Variants in GOLGA6B observed in about 807,000 individuals in gnomAD.
GOLGA6B encodes golgin subfamily A member 6B.
In GOLGA6B, 11 loss-of-function variants were observed where a neutral mutation model predicts 63.0. That is an observed-to-expected ratio of 0.17 (90% CI 0.11 to 0.29). The LOEUF (loss-of-function observed/expected upper bound fraction) is 0.29, where lower values mean the gene tolerates loss of function less well. Ranked by LOEUF, GOLGA6B falls within the 10% of genes least tolerant of loss-of-function variation. GOLGA6B has a pLI of 1.00. For synonymous variants in GOLGA6B, 46 were observed against 232.6 expected, an observed-to-expected ratio of 0.20 and a Z score of 7.30; for missense variants, 134 against 563.8, an observed-to-expected ratio of 0.24 and a Z score of 7.72.
At position 72,664,511 on chromosome 15, in the gene GOLGA6B, G is replaced by C; in HGVS notation, c.1501G>C (p.Gly501Arg). The change falls in exon 13 of 18, where the codon GGA becomes CGA. Residue 501 changes from glycine to arginine, a missense_variant and splice_region_variant. Gly to Arg is a moderately radical substitution (Grantham distance 125, BLOSUM62 -2). Coordinates refer to ENST00000421285, the MANE Select transcript of GOLGA6B (RefSeq NM_018652.5). ...QLSLVALPGE[G>R]DGGQHLDSEE... ...AAGCCTCGTGGCTCTCCCGGGAGAA[G>C]GTACAGGAGACCACTCAGAGGAAGA... The C allele has an allele frequency of 1.5e-6, 2 of 1,353,180 alleles. No homozygotes were observed. Among genetic ancestry groups the C allele is most frequent in the Non-Finnish European group, 1.0e-6 (1 of 992,610 alleles). The allele number at this position is 1,353,180 out of a possible 1,614,324, so 83.8% of individuals were successfully genotyped here.
At chr15:72,657,521 C>T (rs2064581999) in intron 2 of GOLGA6B, among the ~76,000 whole-genome samples, 2 of 103,394 alleles carry the variant, frequency 1.9e-5, no homozygotes, top group African/African-American at 7.8e-5. Flanking sequence ...ACATCTTCCT[C>T]CTACCCTGAC....
Position 72,667,379 on chromosome 15 carries a change from A to G in GOLGA6B, c.*1037A>G, listed in dbSNP as rs2140472119. ...ATGAGTATATGTCCCAGTACACAAAAGGGCACTGGTTGGCATTCTTCTTAA... is the reference window on the plus strand; with the variant it reads ...ATGAGTATATGTCCCAGTACACAAAGGGGCACTGGTTGGCATTCTTCTTAA... On this transcript the variant is annotated 3_prime_UTR_variant, in exon 18 of 18. Coordinates refer to ENST00000421285, the MANE Select transcript of GOLGA6B (RefSeq NM_018652.5). Among the ~76,000 whole-genome samples the G allele has an allele frequency of 6.8e-6, 1 of 147,824 alleles. No individual in the cohort carries two copies. The highest frequency in any genetic ancestry group is 2.2e-4 in the South Asian group (1 of 4,452).
chr15:72,664,376 C>T (rs4777525), intron 12 of GOLGA6B, 60 bp from the exon 13 acceptor site: 280,900 of 1,292,374 alleles, frequency 0.22, 83,389 homozygotes, highest in Admixed American at 0.47. Flanking sequence ...GAGGACGGGG[C>T]CCCGAGGGGG....
In GOLGA6B at chr15:72,664,426, G is replaced by A. The variant is rs548284627; in HGVS notation, c.1426-10G>A. On this transcript the variant is annotated splice_polypyrimidine_tract_variant and intron_variant, in intron 12 of 17. Transcript: ENST00000421285. The stretch of plus-strand genomic sequence containing the variant: ...TCCGTGCCTTCTCACTCTGTTTCCC[G>A]TCCCCTTAGGAGCACCTAGAAGCTG... 6.9e-5 allele frequency: 91 copies of A among 1,320,694 alleles called. 13 individuals are homozygous for A. In the East Asian group the frequency reaches 9.8e-4, roughly 14 times the overall value. The allele number at this position is 1,320,694 out of a possible 1,614,324, so 81.8% of individuals were successfully genotyped here. A position where few individuals can be genotyped will look rare whatever the true frequency, so the allele number is the denominator to read the frequency against.
chr15:72,657,951 CTTT>C (rs1265834956), intron 2 of GOLGA6B, among the ~76,000 whole-genome samples: 2 of 36,042 alleles, frequency 5.5e-5, no homozygotes, highest in African/African-American at 3.0e-4. Flanking sequence ...GATTTGGGCT[CTTT>C]TTTTTTTTTT....
chr15:72,669,242 C>T lies in GOLGA6B; in HGVS notation c.*2900C>T, dbSNP rs561779681. ...ATTTAGAAAATGTGAAAATGTAAAT[C>T]AGCCCTATCCATAATATAGTTTCTC... On this transcript the variant is annotated 3_prime_UTR_variant, in exon 18 of 18. Coordinates refer to ENST00000421285, the MANE Select transcript of GOLGA6B (RefSeq NM_018652.5). Among the ~76,000 whole-genome samples the T allele has an allele frequency of 1.1e-4, 16 of 152,366 alleles. No homozygotes were observed. Among genetic ancestry groups the T allele is most frequent in the Admixed American group, 3.9e-4 (6 of 15,306 alleles).
Position 72,669,462 on chromosome 15 carries a change from A to G in GOLGA6B, c.*3120A>G, listed in dbSNP as rs1455835240. ...AAGGCTTTATTTGCCAAGTTTTCTT[A>G]GAATGACTTTTACCAGTTTATGAAT... On this transcript the variant is annotated 3_prime_UTR_variant, in exon 18 of 18. Coordinates refer to ENST00000421285, the MANE Select transcript of GOLGA6B (RefSeq NM_018652.5). 1.3e-5 allele frequency among the ~76,000 whole-genome samples: 2 copies of G among 150,876 alleles called. No individual in the cohort carries two copies. The highest frequency in any genetic ancestry group is 6.6e-5 in the Admixed American group (1 of 15,140).
intron 12 of GOLGA6B, 62 bp from the exon 13 acceptor site, chr15:72,664,374 G>T (rs2064620305): frequency 1.5e-6 from 2 of 1,301,674 alleles, no homozygotes; most frequent in Admixed American, 3.9e-5. Context: ...CTGAGGACGG[G>T]GCCCCGAGGG....
Position 72,666,256 on chromosome 15 carries a change from C to T in GOLGA6B, c.1996C>T (p.Pro666Ser), listed in dbSNP as rs375032772. The T allele has an allele frequency of 2.5e-6, 4 of 1,603,512 alleles. No homozygotes were observed. The highest frequency in any genetic ancestry group is 3.4e-6 in the Non-Finnish European group (4 of 1,177,378). Residue 666 changes from proline to serine, a missense_variant, in exon 18 of 18, where the codon CCA (proline) becomes TCA (serine). Transcript: ENST00000421285. ...VSLDNNVEPA[P>S]GAAREGSPHD... ...CCTGGACAACAACGTGGAGCCTGCA[C>T]CAGGAGCGGCCAGGGAGGGTTCTCC...
chr15:72,664,054 C>T lies in GOLGA6B; in HGVS notation c.1426-382C>T, dbSNP rs1254935472. On this transcript the variant is annotated intron_variant, in intron 12 of 17. Transcript: ENST00000421285. The stretch of plus-strand genomic sequence containing the variant: ...AGGTGACAGAGCCCCACGGTGCCCT[C>T]GCTACCCTATTAATGGGCCCAGAAT... Among the ~76,000 whole-genome samples the T allele has an allele frequency of 7.7e-5, 10 of 129,714 alleles. 1 individual carries two copies. The highest frequency in any genetic ancestry group is 4.7e-4 in the East Asian group (2 of 4,216). 85.1% of individuals were successfully genotyped at this position (129,714 alleles called of 152,430 possible).
In GOLGA6B at chr15:72,664,095, C is replaced by A. The variant is rs1398672860; in HGVS notation, c.1426-341C>A. Among the ~76,000 whole-genome samples, 3 of 130,078 alleles carry A rather than the reference C, an allele frequency of 2.3e-5. 1 individual carries two copies. Among genetic ancestry groups the A allele is most frequent in the Admixed American group, 7.6e-5 (1 of 13,134 alleles). 85.3% of individuals were successfully genotyped at this position (130,078 alleles called of 152,430 possible). On this transcript the variant is annotated intron_variant, in intron 12 of 17. Transcript: ENST00000421285. ...GGCCCAGAATCTGGAAGCCAGCCACCATGTGCCCTCATGCCCAGGGTCTTC... is the reference window on the plus strand; with the variant it reads ...GGCCCAGAATCTGGAAGCCAGCCACAATGTGCCCTCATGCCCAGGGTCTTC...
Position 72,666,243 on chromosome 15 carries a change from C to A in GOLGA6B, c.1983C>A (p.Asn661Lys). The A allele has an allele frequency of 1.2e-6, 2 of 1,601,954 alleles. No homozygotes were observed. The highest frequency in any genetic ancestry group is 2.2e-5 in the South Asian group (2 of 90,358). The change falls in exon 18 of 18, where the codon AAC (asparagine) becomes AAA (lysine). Residue 661 changes from asparagine to lysine, a missense_variant. By Grantham distance (94) the Asn-to-Lys change is moderately conservative (BLOSUM62 0). Transcript: ENST00000421285. ...TTTATGAAGTGAGCCTGGACAACAACGTGGAGCCTGCACCAGGAGCGGCCA... is the reference window on the plus strand; with the variant it reads ...TTTATGAAGTGAGCCTGGACAACAAAGTGGAGCCTGCACCAGGAGCGGCCA... ...DDFYEVSLDN[N>K]VEPAPGAARE...
At chr15:72,657,951 C>CTT (rs1265834956) in intron 2 of GOLGA6B, among the ~76,000 whole-genome samples, 15 of 36,048 alleles carry the variant, frequency 4.2e-4, no homozygotes, top group Admixed American at 1.1e-3. Flanking sequence ...GATTTGGGCT[C>CTT]TTTTTTTTTT....
At chr15:72,657,373 G>A (rs1282309437) in intron 2 of GOLGA6B, among the ~76,000 whole-genome samples, 2 of 150,486 alleles carry the variant, frequency 1.3e-5, no homozygotes, top group African/African-American at 4.9e-5. Context: ...TCCACTCTGT[G>A]ACTGCGTCAC....
intron 12 of GOLGA6B, 43 bp from the exon 13 acceptor site, chr15:72,664,393 T>G (rs1362565999): frequency 7.6e-7 from 1 of 1,316,144 alleles, no homozygotes; most frequent in Non-Finnish European, 1.0e-6. Context: ...GGGGATGACC[T>G]GGCAACCTCC....
intron 2 of GOLGA6B, among the ~76,000 whole-genome samples, chr15:72,657,951 C>CTTT (rs1265834956): frequency 3.3e-4 from 12 of 36,036 alleles, no homozygotes; most frequent in South Asian, 8.3e-4. Context: ...GATTTGGGCT[C>CTTT]TTTTTTTTTT....
At chr15:72,657,379 G>A (rs548058907) in intron 2 of GOLGA6B, among the ~76,000 whole-genome samples, 101 of 150,814 alleles carry the variant, frequency 6.7e-4, no homozygotes, top group African/African-American at 2.3e-3. Flanking sequence ...CTGTGACTGC[G>A]TCACTCGGGG....
chr15:72,662,466 G>T lies in GOLGA6B; in HGVS notation c.1062G>T (p.Val354=), dbSNP rs753691273. 3 of 1,403,022 alleles carry T rather than the reference G, an allele frequency of 2.1e-6. 1 individual carries two copies. The highest frequency in any genetic ancestry group is 2.9e-6 in the Non-Finnish European group (3 of 1,031,748). 86.9% of individuals were successfully genotyped at this position (1,403,022 alleles called of 1,614,324 possible). ...EMLREQEVQR[V]REQERLCEQN... ...TCCGAGAGCAGGAGGTGCAGAGAGT[G>T]CGGGAGCAGGAGAGACTGTGTGAAC... is the stretch of plus-strand genomic sequence containing the variant. Residue 354 remains valine (V), a synonymous_variant, in exon 11 of 18, where the codon GTG becomes GTT. Coordinates refer to ENST00000421285, the MANE Select transcript of GOLGA6B (RefSeq NM_018652.5).
intron 14 of GOLGA6B, 148 bp downstream of exon 14, chr15:72,665,183 C>T: frequency 1.7e-6 from 1 of 581,918 alleles, no homozygotes; most frequent in Non-Finnish European, 2.9e-6. Flanking sequence ...CACCTGTGAC[C>T]AACAGGTGCA....
Sources: allele counts gnomAD v4.1 joint callset (sites outside exome capture counted in the v4.1 genomes callset), GRCh38; gene constraint gnomAD v4.1.1; transcripts MANE v1.5; gene names NCBI Gene and HGNC (gene_info 2026-07-23, HGNC 2026-07-21).